EML2: variants seen among roughly 807,000 people sequenced by gnomAD.
The protein encoded by EML2 is echinoderm microtubule-associated protein-like 2.
EML2 carries 59 observed loss-of-function variants against 84.7 expected under a neutral mutation model. The observed-to-expected ratio is 0.70, with a 90% confidence interval of 0.56 to 0.86. The LOEUF (loss-of-function observed/expected upper bound fraction) is 0.86, where lower values mean the gene tolerates loss of function less well. EML2 is among the 40% of genes least tolerant of loss of function. The probability of loss-of-function intolerance (pLI) is 0.00; values close to 1 mark genes in which losing one functional copy is unlikely to be tolerated. For synonymous variants in EML2, 352 were observed against 348.9 expected (o/e 1.01, Z -0.10); for missense variants, 818 against 855.6 (o/e 0.96, Z 0.55).
chr19:45,626,446 A>T (rs1435084281), intron 8 of EML2, among the ~76,000 whole-genome samples: 4 of 121,386 alleles, frequency 3.3e-5, no homozygotes, highest in Non-Finnish European at 6.3e-5. Context: ...GGCTGGAGTG[A>T]TCATTTGATC....
chr19:45,643,602 C>A, upstream of EML2: 1 of 1,536,174 alleles, frequency 6.5e-7, no homozygotes, highest in Non-Finnish European at 8.7e-7. Context: ...TGACCACAAC[C>A]AAGGAAGCCC....
chr19:45,615,601 C>T (rs1970958837), intron 16 of EML2, among the ~76,000 whole-genome samples: 2 of 151,334 alleles, frequency 1.3e-5, no homozygotes, highest in Admixed American at 6.6e-5. Context: ...CCTACCCATC[C>T]GACCGGAAAG....
upstream of EML2, among the ~76,000 whole-genome samples, chr19:45,639,613 G>A (rs887491061): frequency 9.2e-5 from 14 of 152,164 alleles, no homozygotes; most frequent in Non-Finnish European, 1.5e-5. Flanking sequence ...GCCTGCTTGA[G>A]TTAAAACCCC....
rs1438609907 is a variant in EML2, at chr19:45,619,077, A to G, written c.1237T>C (p.Trp413Arg). Reference sequence around the variant, plus strand: ...CCCCTTACCTCGATGATCCTGCTCCACAGGGGCTGGTGGGAATCTGAGCTC... The same window carrying G: ...CCCCTTACCTCGATGATCCTGCTCCGCAGGGGCTGGTGGGAATCTGAGCTC... Reference protein sequence around the residue: ...LWSSDSHQPLWSRIIEDPARS... With the variant: ...LWSSDSHQPLRSRIIEDPARS... The change falls in exon 12 of 19, where the codon TGG becomes CGG. Residue 413 changes from tryptophan (W) to arginine (R), a missense_variant. Transcript: ENST00000245925. 6.2e-7 allele frequency: 1 copy of G among 1,612,836 alleles called. No homozygotes were observed. Among genetic ancestry groups the G allele is most frequent in the Admixed American group, 1.7e-5 (1 of 59,948 alleles).
rs139893249 is a variant in EML2 at position 45,613,649 on chromosome 19, G to C, written c.1716C>G (p.Asp572Glu). ...GVFGIWSEGA[D>E]GTDINAVARS... is the part of the protein sequence containing the mutation. ...GGGCCACAGCGTTGATATCAGTGCC[G>C]TCCGCCCCCTCAGACCAGATCCCTG... Residue 572 changes from aspartate (D) to glutamate (E), a missense_variant, in exon 18 of 19, where the codon GAC becomes GAG. Transcript: ENST00000245925. The C allele has an allele frequency of 1.5e-5, 24 of 1,613,920 alleles. No homozygotes were observed. Among genetic ancestry groups the C allele is most frequent in the Non-Finnish European group, 1.9e-5 (23 of 1,179,904 alleles).
intron 3 of EML2, among the ~76,000 whole-genome samples, chr19:45,634,705 G>T (rs1449000707): frequency 6.7e-6 from 1 of 150,222 alleles, no homozygotes; most frequent in Non-Finnish European, 1.5e-5. Flanking sequence ...GGGACTACAG[G>T]CGCCCGCCAC....
intron 3 of EML2, among the ~76,000 whole-genome samples, chr19:45,637,666 TC>T (rs1177090395): frequency 0.01 from 759 of 73,490 alleles, 30 homozygotes; most frequent in Admixed American, 0.086. Context: ...CTTTTTCTTT[TC>T]TTTTTTTTTT....
Position 45,634,533 on chromosome 19 carries a change from T to A in EML2, c.180-62A>T, listed in dbSNP as rs1481939837. ...TGTTGTTGTTGTTTGTTTGTTTTGTTTTTATTTATTTATTTATTTTTAATT... is the reference window on the plus strand; with the variant it reads ...TGTTGTTGTTGTTTGTTTGTTTTGTATTTATTTATTTATTTATTTTTAATT... On this transcript the variant is annotated intron_variant, in intron 3 of 18. Coordinates refer to ENST00000245925, the MANE Select transcript of EML2 (RefSeq NM_012155.4). The A allele has an allele frequency of 1.4e-5, 17 of 1,216,042 alleles. No homozygotes were observed. In the South Asian group the frequency reaches 2.9e-4, roughly 21 times the overall value. 75.3% of individuals were successfully genotyped at this position (1,216,042 alleles called of 1,614,324 possible). A position where few individuals can be genotyped will look rare whatever the true frequency, so the allele number is the denominator to read the frequency against.
chr19:45,641,730 C>T, upstream of EML2: 1 of 1,536,160 alleles, frequency 6.5e-7, no homozygotes, highest in Non-Finnish European at 8.7e-7. Flanking sequence ...GCTCTGGTGA[C>T]AAGTAGCGGC....
At chr19:45,643,497 C>T (rs900765353), upstream of EML2, 14 of 1,526,702 alleles carry the variant, frequency 9.2e-6, no homozygotes, top group East Asian at 2.4e-5. Context: ...AGTCGCCCCC[C>T]CAACCCCGCT....
At chr19:45,635,426 G>C (rs10775544) in intron 3 of EML2, among the ~76,000 whole-genome samples, 19 of 151,586 alleles carry the variant, frequency 1.3e-4, no homozygotes, top group African/African-American at 4.6e-4. Flanking sequence ...GGTTTGAGCC[G>C]CTGGCGCCCA....
At chr19:45,613,106 C>T (rs569574067) in intron 18 of EML2, among the ~76,000 whole-genome samples, 2 of 152,028 alleles carry the variant, frequency 1.3e-5, no homozygotes, top group Admixed American at 1.3e-4. Flanking sequence ...ACTTTGTTGC[C>T]CAGGCTGGTC....
At chr19:45,645,400 A>T (rs1280290603), upstream of EML2, 1 of 1,489,558 alleles carries the variant, frequency 6.7e-7, no homozygotes, top group Non-Finnish European at 8.9e-7. Flanking sequence ...CCCCCCAACC[A>T]GGCCCTGCCT....
At chr19:45,628,839 G>GTAAC (rs1972688606) in intron 7 of EML2, 1 of 150,156 alleles carries the variant, frequency 6.7e-6, no homozygotes, top group Non-Finnish European at 1.5e-5. Context: ...AAGTAAGTAA[G>GTAAC]TAAGTAAGTA....
At chr19:45,635,145 G>A (rs1973575449) in intron 3 of EML2, among the ~76,000 whole-genome samples, 2 of 151,404 alleles carry the variant, frequency 1.3e-5, no homozygotes, top group Admixed American at 1.3e-4. Flanking sequence ...CACCACGCGC[G>A]GCCTGTTTTG....
intron 8 of EML2, among the ~76,000 whole-genome samples, chr19:45,625,586 T>C (rs1279249678): frequency 2.0e-5 from 3 of 152,162 alleles, no homozygotes; most frequent in African/African-American, 7.2e-5. Context: ...TCATTCATCC[T>C]GTCTCTCCTC....
chr19:45,615,519 A>AAAT (rs56322389), intron 16 of EML2, among the ~76,000 whole-genome samples: 29,079 of 138,956 alleles, frequency 0.21, 3,031 homozygotes, highest in Middle Eastern at 0.23. Flanking sequence ...CTCCGTCTCA[A>AAAT]AATAATAATA....
At chr19:45,613,206 C>T (rs1460524130) in intron 18 of EML2, among the ~76,000 whole-genome samples, 1 of 152,086 alleles carries the variant, frequency 6.6e-6, no homozygotes, top group Admixed American at 6.6e-5. Context: ...GCCTTGGCCT[C>T]CCTTAAAAAC....
intron 7 of EML2, among the ~76,000 whole-genome samples, chr19:45,627,617 A>G (rs562402037): frequency 6.6e-6 from 1 of 152,242 alleles, no homozygotes; most frequent in South Asian, 2.1e-4. Flanking sequence ...AAGCATTATC[A>G]TCTTCTTCAT....
Sources: gnomAD v4.1 joint callset for allele counts (sites outside exome capture counted in the v4.1 genomes callset) on GRCh38, gnomAD v4.1.1 for gene constraint, MANE v1.5 for transcripts, NCBI Gene and HGNC (gene_info 2026-07-23, HGNC 2026-07-21) for gene names.